The following SAMM50 variants were observed in gnomAD, a reference collection of about 807,000 sequenced individuals.
SAMM50 encodes sorting and assembly machinery component 50 homolog.
Under a neutral mutation model 66.9 loss-of-function variants are expected in SAMM50, and 47 were observed. That is an observed-to-expected ratio of 0.70 (90% CI 0.56 to 0.90). The LOEUF (loss-of-function observed/expected upper bound fraction) is 0.90. Among genes scored for constraint, SAMM50 ranks in the 40% least tolerant of loss-of-function variants. SAMM50 has a pLI of 0.00. For missense variants in SAMM50, 535 were observed against 595.3 expected, an observed-to-expected ratio of 0.90 and a Z score of 1.05; for synonymous variants, 191 against 214.1, an observed-to-expected ratio of 0.89 and a Z score of 0.94.
intron 14 of SAMM50, 129 bp from the exon 15 acceptor site, chr22:43,996,209 C>G (rs930190079): frequency 2.0e-6 from 2 of 1,008,626 alleles, no homozygotes; most frequent in Admixed American, 1.7e-5. Context: ...GGCCGGCAGC[C>G]AGGCAGGAAG....
Position 43,958,413 on chromosome 22 carries a change from T to C in SAMM50, c.21+2815T>C, listed in dbSNP as rs542132380. On this transcript the variant is annotated intron_variant, in intron 1 of 14. Coordinates refer to ENST00000350028, the MANE Select transcript of SAMM50 (RefSeq NM_015380.5). ...GCTCATATTTATTGATGGTCTGCTA[T>C]GTGCCTAGCACTGTGATAGGTGCCA... Among the ~76,000 whole-genome samples the C allele has an allele frequency of 3.9e-5, 6 of 152,098 alleles. No homozygotes were observed. The South Asian group carries it at 1.2e-3, about 32-fold the overall frequency.
intron 7 of SAMM50, 107 bp from the exon 8 acceptor site, chr22:43,975,948 A>T: frequency 3.4e-6 from 4 of 1,184,716 alleles, no homozygotes; most frequent in Non-Finnish European, 4.7e-6. Context: ...ATTAAAAAAA[A>T]TTAGATATTT....
intron 8 of SAMM50, 139 bp downstream of exon 8, chr22:43,976,322 C>G (rs1374012577): frequency 1.0e-6 from 1 of 956,004 alleles, no homozygotes; most frequent in Admixed American, 2.3e-5. Context: ...GCCCCCACTC[C>G]CCGAGGGCTT....
chr22:43,996,478 TTGAC>T lies in SAMM50; in HGVS notation c.*98_*101del. 2 of 1,155,932 alleles carry T rather than the reference TTGAC, an allele frequency of 1.7e-6. No individual in the cohort carries two copies. The highest frequency in any genetic ancestry group is 2.6e-6 in the Non-Finnish European group (2 of 762,946). The allele number at this position is 1,155,932 out of a possible 1,614,324, so 71.6% of individuals were successfully genotyped here. A position where few individuals can be genotyped will look rare whatever the true frequency, so the allele number is the denominator to read the frequency against. ...CGAGGAAACGCGGTTCAGCGATTCT[TTGAC>T]TGCGGACCCTGTGGGAAACCCCGTC... On this transcript the variant is annotated 3_prime_UTR_variant, in exon 15 of 15. Transcript: ENST00000350028.
chr22:43,990,492 GC>G, intron 14 of SAMM50, 86 bp downstream of exon 14: 1 of 1,276,634 alleles, frequency 7.8e-7, no homozygotes, highest in Non-Finnish European at 1.1e-6. Context: ...TTCATTAGTG[GC>G]TTTTAAGCTT....
chr22:43,973,977 A>G (rs2050217925), intron 7 of SAMM50, among the ~76,000 whole-genome samples: 2 of 151,632 alleles, frequency 1.3e-5, no homozygotes. Flanking sequence ...AAATGCCACC[A>G]TTGGAATTCG....
At chr22:43,984,791 GCTAA>G (rs1002278786) in intron 12 of SAMM50, among the ~76,000 whole-genome samples, 7 of 151,412 alleles carry the variant, frequency 4.6e-5, no homozygotes, top group Non-Finnish European at 1.0e-4. Context: ...ACCACGCCTG[GCTAA>G]CTTTTTGTGT....
chr22:43,996,221 C>CAACAGGAGGAGGAGGA, intron 14 of SAMM50, 117 bp from the exon 15 acceptor site: 1 of 1,108,078 alleles, frequency 9.0e-7, no homozygotes, highest in Non-Finnish European at 1.4e-6. Context: ...GGCAGGAAGG[C>CAACAGGAGGAGGAGGA]AGCAGGAGGA....
chr22:43,958,777 T>A (rs888788600), intron 1 of SAMM50, among the ~76,000 whole-genome samples: 1 of 152,160 alleles, frequency 6.6e-6, no homozygotes, highest in Non-Finnish European at 1.5e-5. Context: ...GCGCCTAGCC[T>A]GTGGAGCTCT....
chr22:43,995,696 G>A (rs923204626), intron 14 of SAMM50, among the ~76,000 whole-genome samples: 4 of 152,240 alleles, frequency 2.6e-5, no homozygotes, highest in African/African-American at 4.8e-5. Context: ...TCTCAGCCGT[G>A]TGACTGGAGC....
intron 14 of SAMM50, among the ~76,000 whole-genome samples, chr22:43,993,186 CG>C (rs1249128993): frequency 6.6e-6 from 1 of 152,118 alleles, no homozygotes; most frequent in Non-Finnish European, 1.5e-5. Context: ...ACTGCAGGCC[CG>C]GGGCTGGAGG....
intron 3 of SAMM50, among the ~76,000 whole-genome samples, chr22:43,967,400 C>G (rs1359823160): frequency 6.6e-6 from 1 of 152,252 alleles, no homozygotes; most frequent in Non-Finnish European, 1.5e-5. Flanking sequence ...TAATGGTGTT[C>G]AGCGCTAGCC....
At chr22:43,963,146 T>A in intron 1 of SAMM50, 140 bp from the exon 2 acceptor site, 1 of 556,552 alleles carries the variant, frequency 1.8e-6, no homozygotes. Context: ...TACTCCCTGG[T>A]CCCTATTCCT....
chr22:43,966,681 C>T (rs1409177542), intron 3 of SAMM50, among the ~76,000 whole-genome samples: 2 of 152,138 alleles, frequency 1.3e-5, no homozygotes, highest in East Asian at 3.9e-4. Context: ...TTACAGCAGT[C>T]CATGAGACGG....
chr22:43,965,020 T>C (rs2050166147), intron 3 of SAMM50, among the ~76,000 whole-genome samples: 1 of 151,972 alleles, frequency 6.6e-6, no homozygotes, highest in Admixed American at 6.6e-5. Context: ...TCATCTCCAC[T>C]GTGGGTGGTT....
Position 43,981,431 on chromosome 22 carries a change from T to C in SAMM50, c.977T>C (p.Ile326Thr), listed in dbSNP as rs544465311. Reference protein sequence around the residue: ...ASFWGGMLVPIGDKPSSIADR... With the variant: ...ASFWGGMLVPTGDKPSSIADR... ...TTCTGGGGCGGAATGTTGGTACCCA[T>C]TGGTGATAAGCCGTCAAGCATTGCT... Residue 326 changes from isoleucine to threonine, a missense_variant, in exon 11 of 15, where the codon ATT becomes ACT. Coordinates refer to ENST00000350028, the MANE Select transcript of SAMM50 (RefSeq NM_015380.5). 1 of 1,613,754 alleles carries C rather than the reference T, an allele frequency of 6.2e-7. No individual in the cohort carries two copies. Among genetic ancestry groups the C allele is most frequent in the African/African-American group, 1.3e-5 (1 of 75,046 alleles).
rs543581425 is a variant in SAMM50 at position 43,996,339 on chromosome 22, A to G, written c.1366A>G (p.Ile456Val). The G allele has an allele frequency of 1.2e-6, 2 of 1,613,982 alleles. No individual in the cohort carries two copies. The highest frequency in any genetic ancestry group is 1.7e-5 in the Admixed American group (1 of 60,004). The change falls in exon 15 of 15, where the codon ATA becomes GTA. Residue 456 changes from isoleucine to valine, a missense_variant and splice_region_variant. Coordinates refer to ENST00000350028, the MANE Select transcript of SAMM50 (RefSeq NM_015380.5). ...ATCTGATCTCTCCCCTTTTTTTAGG[A>G]TATGTGATGGCGTCCAGTTTGGAGC... ...VPMGVQTGDR[I>V]CDGVQFGAGI...
Position 43,976,795 on chromosome 22 carries a change from A to G in SAMM50, c.823A>G (p.Arg275Gly). The G allele has an allele frequency of 6.2e-7, 1 of 1,609,284 alleles. No homozygotes were observed. The highest frequency in any genetic ancestry group is 8.5e-7 in the Non-Finnish European group (1 of 1,176,928). ...DSRNSSILPR[R>G]GALLKVNQEL... is the part of the protein sequence containing the mutation. ...TCGGAATTCTTCCATCTTACCAAGG[A>G]GAGGTGCTTTGCTGAAAGTTAACCA... Residue 275 changes from arginine (R) to glycine (G), a missense_variant, in exon 9 of 15, where the codon AGA becomes GGA. Arg to Gly is a moderately radical substitution (Grantham distance 125). Transcript: ENST00000350028.
chr22:43,970,994 G>A (rs9626075), intron 4 of SAMM50, among the ~76,000 whole-genome samples: 7,061 of 152,124 alleles, frequency 0.046, 223 homozygotes, highest in Middle Eastern at 0.075. Flanking sequence ...GTGAAACCCC[G>A]TCTCTACTAA....
Sources: gnomAD v4.1 joint callset for allele counts (sites outside exome capture counted in the v4.1 genomes callset) on GRCh38, gnomAD v4.1.1 for gene constraint, MANE v1.5 for transcripts, NCBI Gene and HGNC (gene_info 2026-07-23, HGNC 2026-07-21) for gene names.